Variants in MACROD1 observed in about 807,000 individuals in gnomAD.
The protein encoded by MACROD1 is mono-ADP ribosylhydrolase 1.
MACROD1 carries 31 observed loss-of-function variants against 41.4 expected under a neutral mutation model. The observed-to-expected ratio is 0.75, with a 90% CI of 0.56 to 1.01. The LOEUF (loss-of-function observed/expected upper bound fraction) is 1.01. MACROD1 is among the 50% of genes least tolerant of loss of function. The pLI is 0.00. For missense variants in MACROD1, 473 were observed against 460.0 expected, an observed-to-expected ratio of 1.03 and a Z score of -0.26; for synonymous variants, 252 against 203.4, an observed-to-expected ratio of 1.24 and a Z score of -2.03.
chr11:64,076,815 C>T (rs751026054), intron 3 of MACROD1, among the ~76,000 whole-genome samples: 3 of 152,202 alleles, frequency 2.0e-5, no homozygotes, highest in Non-Finnish European at 2.9e-5. Flanking sequence ...CCTCCTACTG[C>T]GTGAGCAGCC....
At chr11:64,052,353 T>G (rs551400389) in intron 3 of MACROD1, among the ~76,000 whole-genome samples, 17 of 152,242 alleles carry the variant, frequency 1.1e-4, no homozygotes, top group African/African-American at 3.6e-4. Context: ...TTTTAAAAAT[T>G]TTTAAAGAGA....
chr11:64,119,436 G>A (rs1044228640), intron 3 of MACROD1, among the ~76,000 whole-genome samples: 4 of 152,196 alleles, frequency 2.6e-5, no homozygotes, highest in African/African-American at 9.6e-5. Context: ...CCCCCACCAC[G>A]TGCAATCACC....
At chr11:64,047,121 G>A (rs1390405736) in intron 3 of MACROD1, among the ~76,000 whole-genome samples, 1 of 151,658 alleles carries the variant, frequency 6.6e-6, no homozygotes. Context: ...CTCACTCCCC[G>A]ACATTGGCTG....
intron 3 of MACROD1, among the ~76,000 whole-genome samples, chr11:64,121,878 T>C (rs532204026): frequency 6.6e-6 from 1 of 152,282 alleles, no homozygotes; most frequent in South Asian, 2.1e-4. Flanking sequence ...CCATGACGCT[T>C]CTTTGGTTAA....
At chr11:64,138,447 C>T (rs957146581) in intron 3 of MACROD1, 19 of 919,598 alleles carry the variant, frequency 2.1e-5, no homozygotes, top group African/African-American at 3.6e-5. Context: ...CCATTTGCTT[C>T]GTAGATTTTA....
intron 3 of MACROD1, among the ~76,000 whole-genome samples, chr11:64,100,936 C>T (rs186941329): frequency 1.1e-3 from 171 of 152,204 alleles, no homozygotes; most frequent in South Asian, 2.1e-3. Flanking sequence ...CACTTAGTGC[C>T]TTGGTTTTCT....
chr11:64,020,501 C>T (rs1408930662), intron 3 of MACROD1, among the ~76,000 whole-genome samples: 1 of 152,092 alleles, frequency 6.6e-6, no homozygotes, highest in Non-Finnish European at 1.5e-5. Context: ...CAGGCCCCAT[C>T]GACCATCTCC....
chr11:64,063,993 CTT>C (rs1391659122), intron 3 of MACROD1, among the ~76,000 whole-genome samples: 4 of 152,190 alleles, frequency 2.6e-5, no homozygotes, highest in African/African-American at 7.2e-5. Flanking sequence ...GACGGCTCCT[CTT>C]GTCAGGCAGC....
intron 3 of MACROD1, among the ~76,000 whole-genome samples, chr11:64,086,442 C>T (rs929046332): frequency 6.6e-6 from 1 of 151,966 alleles, no homozygotes; most frequent in Non-Finnish European, 1.5e-5. Context: ...CTCTCCAGTC[C>T]AAACCTGTCC....
chr11:64,153,323 GCAGCCCCCACGGCAAA>G (rs1184386734), intron 1 of MACROD1, among the ~76,000 whole-genome samples: 1 of 152,250 alleles, frequency 6.6e-6, no homozygotes, highest in Non-Finnish European at 1.5e-5. Context: ...CCGGGATGGG[GCAGCCCCCACGGCAAA>G]CAGCAAAGGC....
At chr11:64,107,703 G>A (rs929559483) in intron 3 of MACROD1, among the ~76,000 whole-genome samples, 1 of 152,242 alleles carries the variant, frequency 6.6e-6, no homozygotes, top group African/African-American at 2.4e-5. Context: ...AAGCTGTTCA[G>A]GGTGATGGGT....
At chr11:64,148,699 G>T in intron 3 of MACROD1, 4 of 982,932 alleles carry the variant, frequency 4.1e-6, no homozygotes, top group Non-Finnish European at 4.8e-6. Flanking sequence ...GCACATATGG[G>T]TTTCACGAGG....
In MACROD1 at chr11:64,036,536, G is replaced by A. The variant is rs1943384066; in HGVS notation, c.518-21255C>T. ...GTGGGGGGCGTCAGGCCGGTCATGT[G>A]GGTCCCAGCTCCCGCACTCGGGAAC... On this transcript the variant is annotated intron_variant, in intron 3 of 10. Coordinates refer to ENST00000255681, the MANE Select transcript of MACROD1 (RefSeq NM_014067.4). The surrounding 1 kb of genome is among the most constrained non-coding windows in gnomAD (Gnocchi z 5.6). Among the ~76,000 whole-genome samples the A allele has an allele frequency of 6.6e-6, 1 of 152,160 alleles. No individual in the cohort carries two copies. The highest frequency in any genetic ancestry group is 1.5e-5 in the Non-Finnish European group (1 of 67,998).
At chr11:64,095,060 G>A (rs1279174388) in intron 3 of MACROD1, among the ~76,000 whole-genome samples, 1 of 152,190 alleles carries the variant, frequency 6.6e-6, no homozygotes, top group Non-Finnish European at 1.5e-5. Flanking sequence ...CCTTAAGGCA[G>A]GCTCCCAAAT....
intron 3 of MACROD1, among the ~76,000 whole-genome samples, chr11:64,097,224 A>G (rs1235896254): frequency 1.3e-5 from 2 of 152,148 alleles, no homozygotes; most frequent in African/African-American, 2.4e-5. Context: ...AAGTACAGGG[A>G]GGGACTGCTG....
intron 3 of MACROD1, among the ~76,000 whole-genome samples, chr11:64,062,065 G>A (rs1310838017): frequency 6.7e-6 from 1 of 149,594 alleles, no homozygotes; most frequent in Non-Finnish European, 1.5e-5. Context: ...TGCCTGGCAT[G>A]CCTTTGCCCC....
chr11:64,061,196 C>A (rs1274273437), intron 3 of MACROD1, among the ~76,000 whole-genome samples: 2 of 152,226 alleles, frequency 1.3e-5, no homozygotes, highest in Non-Finnish European at 2.9e-5. Flanking sequence ...GTAAATAAGT[C>A]CCCCGCTTCT....
rs533496246 is a variant in MACROD1 at position 64,065,555 on chromosome 11, C to T, written c.518-50274G>A. Among the ~76,000 whole-genome samples, 112 of 152,106 alleles carry T rather than the reference C, an allele frequency of 7.4e-4. No homozygotes were observed. The Middle Eastern group carries it at 0.014, about 18-fold the overall frequency. ...CTGTAATCCCAGCACTTTGGGAGGCCAAGGTGGGCGAATCACGAGGTCAGG... is the reference window on the plus strand; with the variant it reads ...CTGTAATCCCAGCACTTTGGGAGGCTAAGGTGGGCGAATCACGAGGTCAGG... On this transcript the variant is annotated intron_variant, in intron 3 of 10. Coordinates refer to ENST00000255681, the MANE Select transcript of MACROD1 (RefSeq NM_014067.4).
At chr11:64,151,033 G>A (rs1945567801) in intron 3 of MACROD1, among the ~76,000 whole-genome samples, 1 of 152,208 alleles carries the variant, frequency 6.6e-6, no homozygotes, top group South Asian at 2.1e-4. Flanking sequence ...GTGGAGCAAG[G>A]CGCCCCCGAC....
Sources: allele counts gnomAD v4.1 joint callset (sites outside exome capture counted in the v4.1 genomes callset), GRCh38; gene constraint gnomAD v4.1.1; non-coding constraint Gnocchi (gnomAD v3.1); transcripts MANE v1.5; gene names NCBI Gene and HGNC (gene_info 2026-07-23, HGNC 2026-07-21).